The following CLTCL1 variants were observed in gnomAD, a reference collection of about 807,000 sequenced individuals.
CLTCL1 encodes the protein clathrin heavy chain like 1, also known as clathrin heavy chain 2.
A neutral mutation model predicts 190.0 loss-of-function variants in CLTCL1; 159 were observed. The observed-to-expected ratio is 0.84, with a 90% CI of 0.74 to 0.95. The LOEUF is 0.95. Among genes scored for constraint, CLTCL1 ranks in the 40% least tolerant of loss-of-function variants. The pLI is 0.00. For missense variants in CLTCL1, 1,878 were observed against 2,033.4 expected (o/e 0.92, Z 1.47); for synonymous variants, 752 against 769.6 (o/e 0.98, Z 0.38).
chr22:19,179,980 G>A lies in CLTCL1; in HGVS notation c.*21-11C>T, dbSNP rs568057925. 1.6e-4 allele frequency: 91 copies of A among 580,508 alleles called. No individual in the cohort carries two copies. The African/African-American group carries it at 1.6e-3, about 11-fold the overall frequency. 36.0% of individuals were successfully genotyped at this position (580,508 alleles called of 1,614,324 possible). ...GGCCCACGGCAGGGCCTGCAGAGGG[G>A]GAAGCCCACAATGAGCAGAGCTCTT... is the stretch of plus-strand genomic sequence containing the variant. On this transcript the variant is annotated splice_polypyrimidine_tract_variant and intron_variant, in intron 32 of 32. Transcript: ENST00000427926.
At chr22:19,239,208 T>A in intron 5 of CLTCL1, 67 bp downstream of exon 5, 1 of 1,255,178 alleles carries the variant, frequency 8.0e-7, no homozygotes, top group Non-Finnish European at 1.2e-6. Context: ...GGCAGCCTCC[T>A]GTATCTTGGG....
intron 6 of CLTCL1, among the ~76,000 whole-genome samples, chr22:19,234,934 G>A (rs1017854826): frequency 6.6e-6 from 1 of 152,196 alleles, no homozygotes; most frequent in Non-Finnish European, 1.5e-5. Context: ...ACACAGATAA[G>A]TGTGATGCGT....
At chr22:19,219,198 A>AT (rs1203027632) in intron 18 of CLTCL1, among the ~76,000 whole-genome samples, 2 of 134,712 alleles carry the variant, frequency 1.5e-5, no homozygotes, top group African/African-American at 6.2e-5. Flanking sequence ...TATTTATTTA[A>AT]TTTTTTTGAG....
chr22:19,230,787 A>G (rs1200347816), intron 10 of CLTCL1, among the ~76,000 whole-genome samples: 1 of 152,142 alleles, frequency 6.6e-6, no homozygotes, highest in Non-Finnish European at 1.5e-5. Context: ...AGGAACACAT[A>G]GAGAACAGGT....
chr22:19,287,912 T>A (rs2087964388), intron 1 of CLTCL1, among the ~76,000 whole-genome samples: 4 of 152,186 alleles, frequency 2.6e-5, no homozygotes, highest in Admixed American at 2.6e-4. Flanking sequence ...AAGGACACAG[T>A]GCTTTACAGT....
At position 19,223,927 on chromosome 22, in the gene CLTCL1, G is replaced by A. The variant is rs377251440; in HGVS notation, c.2256C>T (p.Ser752=). The part of the protein sequence containing the change: ...KEVERICRES[S]CYNPERVKNF... ...TCTTCACACGCTCTGGGTTGTAGCA[G>A]CTGCTCTCTCGGCATATCCTCTCCA... The change falls in exon 14 of 33, where the codon AGC becomes AGT. Residue 752 remains serine, a synonymous_variant. Coordinates refer to ENST00000427926, the MANE Select transcript of CLTCL1 (RefSeq NM_007098.4). The A allele has an allele frequency of 4.5e-5, 73 of 1,613,900 alleles. 2 individuals carry two copies. The Middle Eastern group carries it at 3.8e-3, about 85-fold the overall frequency.
chr22:19,258,712 A>C, intron 2 of CLTCL1: 1 of 686,936 alleles, frequency 1.5e-6, no homozygotes, highest in Admixed American at 1.9e-5. Context: ...GACAGCAGCA[A>C]CTCCATGCAA....
intron 2 of CLTCL1, chr22:19,258,172 A>C (rs1418361685): frequency 5.7e-6 from 2 of 353,496 alleles, no homozygotes; most frequent in Admixed American, 3.8e-5. Context: ...AGAACCATGA[A>C]GAGGGAGTAA....
chr22:19,285,625 CA>C (rs1313103063), intron 1 of CLTCL1, among the ~76,000 whole-genome samples: 63 of 152,346 alleles, frequency 4.1e-4, no homozygotes, highest in African/African-American at 1.5e-3. Flanking sequence ...CATCCTTCTT[CA>C]GCCTGCCAAG....
intron 1 of CLTCL1, among the ~76,000 whole-genome samples, chr22:19,280,533 C>G (rs201050811): frequency 6.6e-6 from 1 of 151,762 alleles, no homozygotes; most frequent in Admixed American, 6.6e-5. Flanking sequence ...TAAAAAAAAA[C>G]CAAGGTCTGG....
In CLTCL1 at chr22:19,234,716, CACA is replaced by C. The variant is rs373955000; in HGVS notation, c.970-13_970-11del. 108 of 1,612,382 alleles carry C rather than the reference CACA, an allele frequency of 6.7e-5. No individual in the cohort carries two copies. In the African/African-American group the frequency reaches 1.1e-3, roughly 17 times the overall value. On this transcript the variant is annotated splice_polypyrimidine_tract_variant and intron_variant, in intron 6 of 32. Transcript: ENST00000427926. ...CACAAACTGACAGTACCTGTAAGGACACAACAAGTGAGAGCAGCCCGGCCTAGA... is the reference window on the plus strand; with the variant it reads ...CACAAACTGACAGTACCTGTAAGGACACAAGTGAGAGCAGCCCGGCCTAGA...
intron 1 of CLTCL1, among the ~76,000 whole-genome samples, chr22:19,288,822 T>C (rs2088003693): frequency 6.6e-6 from 1 of 152,158 alleles, no homozygotes; most frequent in African/African-American, 2.4e-5. Flanking sequence ...GAGCCGCCCA[T>C]GGGGCAGTGG....
chr22:19,277,530 AC>A lies in CLTCL1; in HGVS notation c.43-1701del, dbSNP rs542120122. ...CAAAAACACATATAACAGCAAAAAAACAAAACATTACTTCATAACTGTAGTG... is the reference window on the plus strand; with the variant it reads ...CAAAAACACATATAACAGCAAAAAAAAAAACATTACTTCATAACTGTAGTG... On this transcript the variant is annotated intron_variant, in intron 1 of 32. Coordinates refer to ENST00000427926, the MANE Select transcript of CLTCL1 (RefSeq NM_007098.4). 1.6e-4 allele frequency among the ~76,000 whole-genome samples: 24 copies of A among 152,366 alleles called. No individual in the cohort carries two copies. In the East Asian group the frequency reaches 3.5e-3, roughly 22 times the overall value.
rs1555960376 is a variant in CLTCL1 at position 19,233,596 on chromosome 22, G to T, written c.1194C>A (p.Val398=). 6 of 1,613,524 alleles carry T rather than the reference G, an allele frequency of 3.7e-6. No homozygotes were observed. The highest frequency in any genetic ancestry group is 1.8e-4 in the Middle Eastern group (1 of 5,700). ...GAGCGGGTATACTCTGGAATTTCTG[G>T]ACCGTCTCTCTGGTACGCAGGATTC... is the stretch of plus-strand genomic sequence containing the variant. The part of the protein sequence containing the change: ...PKGILRTRET[V]QKFQSIPAQS... Residue 398 remains valine (V), a synonymous_variant, in exon 8 of 33, where the codon GTC becomes GTA. Coordinates refer to ENST00000427926, the MANE Select transcript of CLTCL1 (RefSeq NM_007098.4).
chr22:19,278,901 C>T (rs2087607567), intron 1 of CLTCL1, among the ~76,000 whole-genome samples: 2 of 151,914 alleles, frequency 1.3e-5, no homozygotes, highest in Non-Finnish European at 2.9e-5. Context: ...ACCACCACGC[C>T]CAGCTATTTT....
At chr22:19,271,091 T>A (rs1050004022) in intron 2 of CLTCL1, among the ~76,000 whole-genome samples, 2 of 151,860 alleles carry the variant, frequency 1.3e-5, no homozygotes, top group African/African-American at 4.8e-5. Context: ...CCCTCTTCTA[T>A]CCCCCACTGA....
At chr22:19,204,551 G>A (rs966079922) in intron 22 of CLTCL1, among the ~76,000 whole-genome samples, 8 of 152,110 alleles carry the variant, frequency 5.3e-5, no homozygotes, top group South Asian at 2.1e-4. Flanking sequence ...TATGATTCAC[G>A]GGGCAGAAAT....
At chr22:19,260,408 G>A (rs117857278) in intron 2 of CLTCL1, among the ~76,000 whole-genome samples, 3,750 of 151,600 alleles carry the variant, frequency 0.025, 71 homozygotes, top group Non-Finnish European at 0.037. Context: ...TCTTGTTAGG[G>A]GATAATGCAG....
intron 4 of CLTCL1, among the ~76,000 whole-genome samples, chr22:19,242,117 T>C (rs2086275112): frequency 1.3e-5 from 2 of 151,732 alleles, no homozygotes; most frequent in Non-Finnish European, 2.9e-5. Context: ...TAATTTTTTA[T>C]ATTTTAATAG....
Sources: gnomAD v4.1 joint callset for allele counts (sites outside exome capture counted in the v4.1 genomes callset) on GRCh38, gnomAD v4.1.1 for gene constraint, MANE v1.5 for transcripts, NCBI Gene and HGNC (gene_info 2026-07-23, HGNC 2026-07-21) for gene names.